NRG3: variants seen among roughly 807,000 people sequenced by gnomAD.
The protein encoded by NRG3 is pro-neuregulin-3, membrane-bound isoform.
Under a neutral mutation model 66.9 loss-of-function variants are expected in NRG3, and 31 were observed. That is an observed-to-expected ratio of 0.46 (90% CI 0.35 to 0.63). NRG3 has a LOEUF of 0.63. Ranked by LOEUF, NRG3 falls within the 20% of genes least tolerant of loss-of-function variation. NRG3 has a pLI of 0.00. For synonymous variants in NRG3, 393 were observed against 359.4 expected (o/e 1.09, Z -1.06); for missense variants, 910 against 878.9 (o/e 1.04, Z -0.45).
At chr10:82,326,115 G>A (rs1005803482) in intron 1 of NRG3, among the ~76,000 whole-genome samples, 1 of 152,006 alleles carries the variant, frequency 6.6e-6, no homozygotes, top group African/African-American at 2.4e-5. Context: ...CCCTATAAAT[G>A]GCTTTATTTC....
At chr10:82,824,351 G>A (rs1409976190) in intron 3 of NRG3, among the ~76,000 whole-genome samples, 1 of 152,134 alleles carries the variant, frequency 6.6e-6, no homozygotes, top group East Asian at 1.9e-4. Context: ...TTTTTGAGTA[G>A]ACATGTGTTT....
At chr10:81,932,773 C>T (rs1162953722) in intron 1 of NRG3, among the ~76,000 whole-genome samples, 2 of 152,036 alleles carry the variant, frequency 1.3e-5, no homozygotes, top group African/African-American at 2.4e-5. Flanking sequence ...TTCTAGTCAC[C>T]GTCCAAAGGG....
intron 1 of NRG3, among the ~76,000 whole-genome samples, chr10:82,137,777 A>G (rs1040720596): frequency 1.3e-5 from 2 of 152,192 alleles, no homozygotes; most frequent in African/African-American, 4.8e-5. Flanking sequence ...TGAGCACTGT[A>G]GACACAGGCA....
At chr10:82,358,683 T>G in intron 1 of NRG3, 56 bp from the exon 2 acceptor site, 6 of 1,606,564 alleles carry the variant, frequency 3.7e-6, no homozygotes, top group Non-Finnish European at 4.3e-6. Flanking sequence ...GTGACAGGAG[T>G]TGTTGGTGTC....
chr10:82,928,784 G>A (rs1847268301), intron 4 of NRG3, among the ~76,000 whole-genome samples: 1 of 152,038 alleles, frequency 6.6e-6, no homozygotes, highest in Non-Finnish European at 1.5e-5. Context: ...GCTGTGTTTG[G>A]CCCCTGGGCT....
At chr10:81,905,178 T>G (rs146370488) in intron 1 of NRG3, among the ~76,000 whole-genome samples, 1 of 152,356 alleles carries the variant, frequency 6.6e-6, no homozygotes, top group African/African-American at 2.4e-5. Flanking sequence ...CCTTAAGTGA[T>G]CACTGTTTCC....
chr10:82,343,899 G>A (rs757470164), intron 1 of NRG3, among the ~76,000 whole-genome samples: 8 of 152,026 alleles, frequency 5.3e-5, no homozygotes, highest in Admixed American at 1.3e-4. Flanking sequence ...TCTTATGACC[G>A]TACAGATTTA....
intron 1 of NRG3, among the ~76,000 whole-genome samples, chr10:82,349,548 G>T (rs1408556935): frequency 2.0e-5 from 3 of 152,016 alleles, no homozygotes; most frequent in Non-Finnish European, 4.4e-5. Context: ...CAGAGGTGGA[G>T]CCTACAGAGG....
chr10:82,717,456 G>A (rs1378896316), intron 2 of NRG3, among the ~76,000 whole-genome samples: 2 of 132,052 alleles, frequency 1.5e-5, no homozygotes, highest in Admixed American at 9.1e-5. Context: ...CTAGAGTGCA[G>A]TGGCTTGATC....
chr10:82,437,961 C>G (rs1372491182), intron 2 of NRG3, among the ~76,000 whole-genome samples: 7 of 152,194 alleles, frequency 4.6e-5, no homozygotes, highest in Non-Finnish European at 1.5e-5. Context: ...GGGCACCAAC[C>G]TGATGCCAGT....
In NRG3 at chr10:82,985,869, T is replaced by A. The variant is rs1853400058; in HGVS notation, c.*264T>A. 1 of 342,456 alleles carries A rather than the reference T, an allele frequency of 2.9e-6. No homozygotes were observed. The highest frequency in any genetic ancestry group is 2.1e-5 in the African/African-American group (1 of 46,732). 21.2% of individuals were successfully genotyped at this position (342,456 alleles called of 1,614,324 possible). A position where few individuals can be genotyped will look rare whatever the true frequency, so the allele number is the denominator to read the frequency against. ...TAGTCCCAACACTGTCCTCTTTGGC[T>A]CTTAGAAGATGTGGGCAATTCAGAC... On this transcript the variant is annotated 3_prime_UTR_variant, in exon 9 of 9. Transcript: ENST00000372141.
At chr10:82,478,188 C>T (rs1001843182) in intron 2 of NRG3, among the ~76,000 whole-genome samples, 4 of 151,016 alleles carry the variant, frequency 2.6e-5, no homozygotes, top group Non-Finnish European at 5.9e-5. Context: ...CACAAGACAG[C>T]TCCAGCTATT....
At chr10:82,136,979 T>A (rs2069409560) in intron 1 of NRG3, among the ~76,000 whole-genome samples, 1 of 152,216 alleles carries the variant, frequency 6.6e-6, no homozygotes, top group Admixed American at 6.5e-5. Flanking sequence ...CCTACCCTCT[T>A]CAGTACCTCT....
chr10:82,536,070 C>G (rs146886698), intron 2 of NRG3, among the ~76,000 whole-genome samples: 52 of 152,144 alleles, frequency 3.4e-4, no homozygotes, highest in African/African-American at 1.2e-3. Context: ...TTATTTTAGC[C>G]GCTGGGTGTG....
At position 82,261,264 on chromosome 10, in the gene NRG3, C is replaced by T. The variant is rs112983818; in HGVS notation, c.824-97475C>T. Among the ~76,000 whole-genome samples, 1,499 of 152,248 alleles carry T rather than the reference C, an allele frequency of 9.8e-3. 12 individuals are homozygous for T. Among genetic ancestry groups the T allele is most frequent in the Middle Eastern group, 0.058 (17 of 292 alleles). On this transcript the variant is annotated intron_variant, in intron 1 of 8. Coordinates refer to ENST00000372141, the MANE Select transcript of NRG3 (RefSeq NM_001010848.4). Reference sequence around the variant, plus strand: ...TCTGATGGTTTTATAAGGGGCGCCACCCGCTTCACTCATTCACTCTCCTGT... The same window carrying T: ...TCTGATGGTTTTATAAGGGGCGCCATCCGCTTCACTCATTCACTCTCCTGT...
At chr10:82,001,817 C>G (rs891521727) in intron 1 of NRG3, among the ~76,000 whole-genome samples, 2 of 152,102 alleles carry the variant, frequency 1.3e-5, no homozygotes, top group East Asian at 3.9e-4. Flanking sequence ...CATATAGGAT[C>G]TGCGTTCATG....
intron 2 of NRG3, among the ~76,000 whole-genome samples, chr10:82,389,557 G>C (rs1405004948): frequency 6.6e-6 from 1 of 151,980 alleles, no homozygotes; most frequent in Non-Finnish European, 1.5e-5. Flanking sequence ...ATTCTTAACA[G>C]GAAGAAAAAA....
At chr10:82,311,863 A>G (rs2081046909) in intron 1 of NRG3, among the ~76,000 whole-genome samples, 1 of 152,192 alleles carries the variant, frequency 6.6e-6, no homozygotes, top group Non-Finnish European at 1.5e-5. Flanking sequence ...ATTTCCTGTG[A>G]TCTTGATCCT....
rs188486526 is a variant in NRG3, at chr10:82,817,101, C to A, written c.1028-48310C>A. 2.0e-4 allele frequency among the ~76,000 whole-genome samples: 31 copies of A among 152,294 alleles called. 2 individuals are homozygous for A. In the East Asian group the frequency reaches 6.0e-3, roughly 29 times the overall value. On this transcript the variant is annotated intron_variant, in intron 3 of 8. Coordinates refer to ENST00000372141, the MANE Select transcript of NRG3 (RefSeq NM_001010848.4). ...TTTCCACGCTGCTGAAAAGATTTCC[C>A]CAGTTTCCAGTCTTGCATTGTGCAT...
Sources: allele counts gnomAD v4.1 joint callset (sites outside exome capture counted in the v4.1 genomes callset), GRCh38; gene constraint gnomAD v4.1.1; transcripts MANE v1.5; gene names NCBI Gene and HGNC (gene_info 2026-07-23, HGNC 2026-07-21).